Variants in GNG3 observed in about 807,000 individuals in gnomAD.
GNG3 encodes G protein subunit gamma 3, also known as guanine nucleotide-binding protein G(I)/G(S)/G(O) subunit gamma-3.
GNG3 carries 4 observed loss-of-function variants against 5.6 expected under a neutral mutation model. The observed-to-expected ratio is 0.71, with a 90% CI of 0.35 to 1.63. GNG3 has a LOEUF of 1.63. Ranked by LOEUF, GNG3 falls within the 40% of genes most tolerant of loss-of-function variation. The probability of loss-of-function intolerance (pLI) is 0.05; values close to 1 mark genes in which losing one functional copy is unlikely to be tolerated. For missense variants in GNG3, 62 were observed against 96.6 expected, an observed-to-expected ratio of 0.64 and a Z score of 1.50; for synonymous variants, 30 against 33.5, an observed-to-expected ratio of 0.89 and a Z score of 0.36.
Position 62,709,194 on chromosome 11 carries a change from G to C in GNG3, c.*388G>C. On this transcript the variant is annotated 3_prime_UTR_variant, in exon 3 of 3. Coordinates refer to ENST00000294117, the MANE Select transcript of GNG3 (RefSeq NM_012202.5). ...GCCATTTGAAGAATAAAGTCATCCA[G>C]AGCCTCAGGACAGCTCCTGTGTTAG... The C allele has an allele frequency of 4.4e-6, 2 of 457,762 alleles. No homozygotes were observed. The highest frequency in any genetic ancestry group is 8.7e-6 in the Non-Finnish European group (2 of 229,164). 28.4% of individuals were successfully genotyped at this position (457,762 alleles called of 1,614,324 possible).
chr11:62,707,037 C>A, upstream of GNG3: 2 of 1,320,298 alleles, frequency 1.5e-6, no homozygotes, highest in South Asian at 1.3e-5. Context: ...CCAATCCATC[C>A]CCCCGCCCCC....
upstream of GNG3, chr11:62,707,445 A>G (rs1205646417): frequency 2.0e-5 from 14 of 693,970 alleles, no homozygotes; most frequent in Non-Finnish European, 3.2e-5. Flanking sequence ...CCCCGCAGCC[A>G]GTACAGACTC....
At chr11:62,708,068 T>C (rs1183379750) in intron 1 of GNG3, 153 bp downstream of exon 1, 2 of 577,986 alleles carry the variant, frequency 3.5e-6, no homozygotes, top group East Asian at 5.8e-5. Context: ...TAAGGTTTAA[T>C]GATCTGTGGC....
chr11:62,707,252 A>C, upstream of GNG3: 1 of 1,470,496 alleles, frequency 6.8e-7, no homozygotes, highest in East Asian at 2.5e-5. Flanking sequence ...TGTGGCTAAA[A>C]CGTGAAGTGG....
At position 62,707,974 on chromosome 11, in the gene GNG3, G is replaced by A. The variant is rs1431552063; in HGVS notation, c.-2+59G>A. 1.3e-5 allele frequency: 5 copies of A among 378,976 alleles called. No individual in the cohort carries two copies. In the East Asian group the frequency reaches 2.1e-4, roughly 16 times the overall value. The allele number at this position is 378,976 out of a possible 1,614,324, so 23.5% of individuals were successfully genotyped here. A position where few individuals can be genotyped will look rare whatever the true frequency, so the allele number is the denominator to read the frequency against. On this transcript the variant is annotated intron_variant, in intron 1 of 2. Transcript: ENST00000294117. ...TCACTGGAGCAGACAGGGGTGATGTGCCCTCCTCATCAGGGTTGGTTGAGG... is the reference window on the plus strand; with the variant it reads ...TCACTGGAGCAGACAGGGGTGATGTACCCTCCTCATCAGGGTTGGTTGAGG...
upstream of GNG3, chr11:62,707,507 G>A (rs2083562533): frequency 1.7e-5 from 11 of 631,776 alleles, no homozygotes; most frequent in South Asian, 8.9e-5. Flanking sequence ...AGGGGGAGTC[G>A]GCCTTGGCCT....
At chr11:62,706,685 C>A (rs976551220), upstream of GNG3, 1 of 480,008 alleles carries the variant, frequency 2.1e-6, no homozygotes, top group Non-Finnish European at 4.3e-6. Context: ...ATTTTTATCG[C>A]CCACAGCTCC....
At chr11:62,707,261 G>T, upstream of GNG3, 2 of 1,383,486 alleles carry the variant, frequency 1.4e-6, no homozygotes, top group Non-Finnish European at 2.0e-6. Flanking sequence ...AACGTGAAGT[G>T]GCGATCCAGA....
chr11:62,707,000 T>G (rs757331382), upstream of GNG3: 20 of 953,674 alleles, frequency 2.1e-5, no homozygotes, highest in Non-Finnish European at 2.9e-5. Flanking sequence ...GGAAGTAATC[T>G]ATTCAAAATG....
rs748460692 is a variant in GNG3 at position 62,708,845 on chromosome 11, C to A, written c.*39C>A. 28 of 1,493,960 alleles carry A rather than the reference C, an allele frequency of 1.9e-5. No homozygotes were observed. Among genetic ancestry groups the A allele is most frequent in the Middle Eastern group, 1.7e-4 (1 of 5,812 alleles). 92.5% of individuals were successfully genotyped at this position (1,493,960 alleles called of 1,614,324 possible). ...TTCTCACAACTCCTCCCTTTTCCCT[C>A]TCCTGGGCCCTTCCTTAGGTCAGTA... On this transcript the variant is annotated 3_prime_UTR_variant, in exon 3 of 3. Transcript: ENST00000294117.
chr11:62,708,974 C>A lies in GNG3; in HGVS notation c.*168C>A. 1 of 642,594 alleles carries A rather than the reference C, an allele frequency of 1.6e-6. No individual in the cohort carries two copies. Among genetic ancestry groups the A allele is most frequent in the Non-Finnish European group, 2.8e-6 (1 of 360,392 alleles). 39.8% of individuals were successfully genotyped at this position (642,594 alleles called of 1,614,324 possible). A position where few individuals can be genotyped will look rare whatever the true frequency, so the allele number is the denominator to read the frequency against. On this transcript the variant is annotated 3_prime_UTR_variant, in exon 3 of 3. Coordinates refer to ENST00000294117, the MANE Select transcript of GNG3 (RefSeq NM_012202.5). ...GCCCACCCTCACCTATCTGTCGACCCCATTTCCTACCACCTTTGTGGCCGA... is the reference window on the plus strand; with the variant it reads ...GCCCACCCTCACCTATCTGTCGACCACATTTCCTACCACCTTTGTGGCCGA...
rs1370241004 is a variant in GNG3 at position 62,708,960 on chromosome 11, CCTAT to C, written c.*157_*160del. The C allele has an allele frequency of 5.9e-6, 4 of 677,548 alleles. No homozygotes were observed. In the African/African-American group the frequency reaches 7.2e-5, roughly 12 times the overall value. 42.0% of individuals were successfully genotyped at this position (677,548 alleles called of 1,614,324 possible). A position where few individuals can be genotyped will look rare whatever the true frequency, so the allele number is the denominator to read the frequency against. ...ATCTGAAGCACAAGGCCCACCCTCA[CCTAT>C]CTGTCGACCCCATTTCCTACCACCT... On this transcript the variant is annotated 3_prime_UTR_variant, in exon 3 of 3. Transcript: ENST00000294117.
chr11:62,708,535 G>C, intron 2 of GNG3, 141 bp downstream of exon 2: 2 of 1,282,916 alleles, frequency 1.6e-6, no homozygotes, highest in Non-Finnish European at 2.2e-6. Flanking sequence ...AGAGAGAGCT[G>C]TCCCCAGGCC....
chr11:62,706,563 C>G (rs1415554408), upstream of GNG3: 4 of 464,180 alleles, frequency 8.6e-6, no homozygotes, highest in African/African-American at 8.0e-5. Flanking sequence ...CTGACTGCAG[C>G]CTCCGCTCGG....
At chr11:62,706,958 T>C (rs2083550325), upstream of GNG3, 12 of 698,508 alleles carry the variant, frequency 1.7e-5, no homozygotes, top group South Asian at 2.2e-4. Context: ...AGGCCAGTGT[T>C]GTGTACATCT....
At chr11:62,706,555 G>A (rs1433854389), upstream of GNG3, 14 of 462,616 alleles carry the variant, frequency 3.0e-5, no homozygotes, top group Non-Finnish European at 4.4e-5. Flanking sequence ...GGGATGCGCT[G>A]ACTGCAGCCT....
upstream of GNG3, chr11:62,707,563 A>T (rs1343930084): frequency 8.5e-6 from 5 of 586,520 alleles, no homozygotes; most frequent in Non-Finnish European, 1.5e-5. Flanking sequence ...GATGCCTGCA[A>T]TGGGGGAGGG....
upstream of GNG3, chr11:62,706,532 A>G (rs2083541688): frequency 2.2e-6 from 1 of 453,542 alleles, no homozygotes; most frequent in South Asian, 1.6e-5. Context: ...GCAGGCCCCA[A>G]GATGTGCCCC....
upstream of GNG3, chr11:62,706,793 G>A: frequency 1.7e-6 from 1 of 571,716 alleles, no homozygotes; most frequent in Non-Finnish European, 3.4e-6. Context: ...GCAGATTAGT[G>A]CCCTGTTCCC....
Sources: allele counts gnomAD v4.1 joint callset, GRCh38; gene constraint gnomAD v4.1.1; transcripts MANE v1.5; gene names NCBI Gene and HGNC (gene_info 2026-07-23, HGNC 2026-07-21).